The following SPACA6 variants were observed in gnomAD, a reference collection of about 807,000 sequenced individuals.
The protein encoded by SPACA6 is sperm acrosome membrane-associated protein 6.
For synonymous variants in SPACA6, 6 were observed against 1.5 expected (o/e 4.05, Z -2.21); for missense variants, 8 against 2.8 (o/e 2.88, Z -1.34).
At chr19:51,705,991 C>T (rs1166462407), downstream of SPACA6, among the ~76,000 whole-genome samples, 8 of 152,056 alleles carry the variant, frequency 5.3e-5, no homozygotes, top group Non-Finnish European at 1.2e-4. Flanking sequence ...CCACCAAGCC[C>T]GGCCAAGGAC....
At chr19:51,691,861 C>T (rs2083376425), upstream of SPACA6, among the ~76,000 whole-genome samples, 3 of 151,986 alleles carry the variant, frequency 2.0e-5, no homozygotes, top group Admixed American at 2.0e-4. Flanking sequence ...AGGCTGGGGA[C>T]ACCTCCTGGA....
downstream of SPACA6, among the ~76,000 whole-genome samples, chr19:51,709,072 G>C (rs895043208): frequency 6.6e-6 from 1 of 152,040 alleles, no homozygotes; most frequent in Admixed American, 6.6e-5. Context: ...CTCTGTAAGA[G>C]ATGAGGGTCG....
At chr19:51,688,705 G>A (rs1260409339), upstream of SPACA6, among the ~76,000 whole-genome samples, 1 of 152,086 alleles carries the variant, frequency 6.6e-6, no homozygotes, top group East Asian at 1.9e-4. Context: ...GGAAGGGAGG[G>A]AGAGAAACAG....
chr19:51,688,910 AGAGAGAGAGAAC>A (rs1381850557), upstream of SPACA6, among the ~76,000 whole-genome samples: 8 of 139,390 alleles, frequency 5.7e-5, 1 homozygote, highest in African/African-American at 2.2e-4. Context: ...AGGGAGAGAG[AGAGAGAGAGAAC>A]GAGAGAGAAG....
chr19:51,709,617 A>T (rs1006129226), downstream of SPACA6, among the ~76,000 whole-genome samples: 1 of 149,046 alleles, frequency 6.7e-6, no homozygotes, highest in Non-Finnish European at 1.5e-5. Flanking sequence ...TCTGTCACAA[A>T]AAAAAAAAAA....
upstream of SPACA6, chr19:51,686,424 TCAGGGC>T: frequency 6.6e-6 from 1 of 152,120 alleles, no homozygotes; most frequent in Non-Finnish European, 1.5e-5. Context: ...CACAACAGGA[TCAGGGC>T]CAGGACAAGG....
upstream of SPACA6, chr19:51,693,029 T>G: frequency 2.7e-6 from 1 of 366,192 alleles, no homozygotes; most frequent in Admixed American, 3.6e-5. Flanking sequence ...CTTCCCTGTC[T>G]GTCTCCATCT....
At chr19:51,693,226 G>C (rs923972716), upstream of SPACA6, 11 of 628,142 alleles carry the variant, frequency 1.8e-5, no homozygotes, top group Non-Finnish European at 3.4e-5. Flanking sequence ...CCCCACCCCA[G>C]GGTCTACCGG....
At chr19:51,698,171 C>T (rs759417983) in intron 2 of SPACA6, among the ~76,000 whole-genome samples, 16 of 152,036 alleles carry the variant, frequency 1.1e-4, no homozygotes, top group Non-Finnish European at 1.6e-4. Context: ...TGGCCAAGGT[C>T]GCATGGGGAG....
At chr19:51,711,075 A>C (rs4802845) in intron 2 of SPACA6, among the ~76,000 whole-genome samples, 1 of 152,024 alleles carries the variant, frequency 6.6e-6, no homozygotes, top group Admixed American at 6.5e-5. Flanking sequence ...GCAAGACCCT[A>C]TCTCAAAAAA....
At chr19:51,700,090 C>T (rs35145683) in intron 2 of SPACA6, among the ~76,000 whole-genome samples, 50,575 of 151,844 alleles carry the variant, frequency 0.33, 8,576 homozygotes, top group South Asian at 0.47. Context: ...CCCATCTCTA[C>T]TAAAAATATA....
At chr19:51,689,311 C>G (rs930685472), upstream of SPACA6, 1 of 149,340 alleles carries the variant, frequency 6.7e-6, no homozygotes, top group South Asian at 2.1e-4. Context: ...GGGCGGGGGG[C>G]CCCCTGGGGA....
Position 51,704,420 on chromosome 19 carries a change from A to G in SPACA6, c.881A>G (p.Asn294Ser), listed in dbSNP as rs895955977. 1.2e-4 allele frequency: 50 copies of G among 401,076 alleles called. No individual in the cohort carries two copies. Among genetic ancestry groups the G allele is most frequent in the East Asian group, 8.2e-4 (23 of 28,076 alleles). 24.8% of individuals were successfully genotyped at this position (401,076 alleles called of 1,614,324 possible). ...AGGCCCGAGGCTCTGACGCCCAGCA[A>G]TCTGTTCCTGCTTGCAGTCCTCGGG... ...LARPEALTPS[N>S]LFLLAVLGAL... Residue 294 changes from asparagine (N) to serine (S), a missense_variant, in exon 8 of 9, where the codon AAT becomes AGT. Asn to Ser is a conservative substitution (Grantham distance 46). Coordinates refer to ENST00000637797, the MANE Select transcript of SPACA6 (RefSeq NM_001316972.2).
chr19:51,688,922 C>G (rs2083343275), upstream of SPACA6, among the ~76,000 whole-genome samples: 5 of 95,802 alleles, frequency 5.2e-5, no homozygotes, highest in Admixed American at 1.2e-4. Flanking sequence ...AGAGAGAGAA[C>G]GAGAGAGAAG....
chr19:51,695,303 G>A (rs1026930426), intron 2 of SPACA6, among the ~76,000 whole-genome samples: 5 of 152,310 alleles, frequency 3.3e-5, no homozygotes, highest in Admixed American at 2.6e-4. Context: ...CAGCATGGGC[G>A]GTAATCATGC....
chr19:51,690,509 A>G (rs1380832923), upstream of SPACA6, among the ~76,000 whole-genome samples: 1 of 151,952 alleles, frequency 6.6e-6, no homozygotes, highest in African/African-American at 2.4e-5. Flanking sequence ...CCAGCCCTCC[A>G]GGGGTTAAGG....
chr19:51,683,520 A>G, the SPACA6 span, among the ~76,000 whole-genome samples: 6 of 152,312 alleles, frequency 3.9e-5, no homozygotes, highest in East Asian at 1.2e-3. Context: ...GGAGGGGTCA[A>G]TCAAGGTAAC....
intron 8 of SPACA6, chr19:51,704,852 C>A: frequency 3.1e-6 from 1 of 325,362 alleles, no homozygotes; most frequent in South Asian, 1.6e-4. Context: ...CCCCGGACCC[C>A]CTCCTCCCTC....
chr19:51,695,072 TCACA>T (rs148161713), intron 2 of SPACA6, among the ~76,000 whole-genome samples: 118 of 151,506 alleles, frequency 7.8e-4, no homozygotes, highest in African/African-American at 2.4e-3. Context: ...ACACTCACAC[TCACA>T]CACACACACA....
Sources: gnomAD v4.1 joint callset for allele counts (sites outside exome capture counted in the v4.1 genomes callset) on GRCh38, gnomAD v4.1.1 for gene constraint, MANE v1.5 for transcripts, NCBI Gene and HGNC (gene_info 2026-07-23, HGNC 2026-07-21) for gene names.